The following ABCC4 variants were observed in gnomAD, a reference collection of about 807,000 sequenced individuals.
ABCC4 encodes the protein ATP binding cassette subfamily C member 4 (PEL blood group), also known as ATP-binding cassette sub-family C member 4.
Under a neutral mutation model 168.5 loss-of-function variants are expected in ABCC4, and 102 were observed. The observed-to-expected ratio is 0.61, with a 90% CI of 0.52 to 0.71. The LOEUF (loss-of-function observed/expected upper bound fraction) is 0.71. Ranked by LOEUF, ABCC4 falls within the 30% of genes least tolerant of loss-of-function variation. The pLI, the probability that ABCC4 is intolerant of heterozygous loss-of-function variation, is 0.00. For synonymous variants in ABCC4, 617 were observed against 590.7 expected, an observed-to-expected ratio of 1.04 and a Z score of -0.65; for missense variants, 1,402 against 1,605.8, an observed-to-expected ratio of 0.87 and a Z score of 2.17.
intron 20 of ABCC4, among the ~76,000 whole-genome samples, chr13:95,086,701 T>C (rs2034268673): frequency 6.6e-6 from 1 of 152,212 alleles, no homozygotes; most frequent in Non-Finnish European, 1.5e-5. Context: ...GCAGTAAAAA[T>C]GTATTCCTAT....
intron 26 of ABCC4, among the ~76,000 whole-genome samples, chr13:95,053,402 T>A (rs1321819961): frequency 3.9e-5 from 6 of 152,168 alleles, no homozygotes; most frequent in African/African-American, 9.7e-5. Flanking sequence ...CTAACAAAAC[T>A]GTTGCAATGT....
At chr13:95,179,064 A>T (rs1217730763) in intron 11 of ABCC4, among the ~76,000 whole-genome samples, 1 of 152,210 alleles carries the variant, frequency 6.6e-6, no homozygotes. Context: ...CCAAACTGAA[A>T]TGCTGACCGG....
intron 1 of ABCC4, among the ~76,000 whole-genome samples, chr13:95,251,530 C>T (rs1021015338): frequency 6.6e-6 from 1 of 152,076 alleles, no homozygotes; most frequent in African/African-American, 2.4e-5. Flanking sequence ...AAATTATAGT[C>T]TATCAAAGAA....
chr13:95,236,075 C>G (rs1160147244), intron 3 of ABCC4, among the ~76,000 whole-genome samples: 2 of 152,114 alleles, frequency 1.3e-5, no homozygotes, highest in Non-Finnish European at 2.9e-5. Context: ...AACAGCAGAA[C>G]GCAGCTTGAG....
At chr13:95,085,676 C>G (rs1233214679) in intron 20 of ABCC4, among the ~76,000 whole-genome samples, 1 of 152,116 alleles carries the variant, frequency 6.6e-6, no homozygotes, top group Admixed American at 6.5e-5. Context: ...ACCCACCAGC[C>G]CAGCATCTGG....
chr13:95,238,229 CAG>C (rs1049593557), intron 3 of ABCC4, among the ~76,000 whole-genome samples: 30 of 140,766 alleles, frequency 2.1e-4, no homozygotes, highest in Non-Finnish European at 3.2e-4. Context: ...AATGGGGGAA[CAG>C]GGGACAAAAC....
intron 4 of ABCC4, among the ~76,000 whole-genome samples, chr13:95,214,750 G>T (rs1309712237): frequency 2.0e-5 from 3 of 152,022 alleles, no homozygotes; most frequent in Admixed American, 1.3e-4. Context: ...GCCGGGCACA[G>T]TGGTGGGCAC....
chr13:95,093,567 C>T (rs1196415217), intron 20 of ABCC4, among the ~76,000 whole-genome samples: 1 of 152,106 alleles, frequency 6.6e-6, no homozygotes, highest in Non-Finnish European at 1.5e-5. Context: ...CCATCTATGA[C>T]AAACCCACAG....
chr13:95,221,731 T>C (rs9302049), intron 4 of ABCC4, among the ~76,000 whole-genome samples: 16,802 of 150,908 alleles, frequency 0.11, 1,357 homozygotes, highest in African/African-American at 0.22. Flanking sequence ...TATAACAGGA[T>C]GTCTTAGAAG....
Position 95,075,673 on chromosome 13 carries a change from G to T in ABCC4, c.2687-122C>A, listed in dbSNP as rs2033875260. The stretch of plus-strand genomic sequence containing the variant: ...ACGCAGGCCTCCTAGGAGGCTTCAT[G>T]TTTCAAGGAAAAATAAATGTTCCCA... On this transcript the variant is annotated intron_variant, in intron 21 of 30. Transcript: ENST00000645237. 6 of 1,302,682 alleles carry T rather than the reference G, an allele frequency of 4.6e-6. No individual in the cohort carries two copies. The East Asian group carries it at 1.2e-4, about 27-fold the overall frequency. The allele number at this position is 1,302,682 out of a possible 1,614,324, so 80.7% of individuals were successfully genotyped here. A position where few individuals can be genotyped will look rare whatever the true frequency, so the allele number is the denominator to read the frequency against.
At chr13:95,165,142 T>C (rs1038138) in intron 15 of ABCC4, among the ~76,000 whole-genome samples, 22,247 of 152,082 alleles carry the variant, frequency 0.15, 2,186 homozygotes, top group African/African-American at 0.27. Flanking sequence ...AATTCAAGTG[T>C]CAATACAGAA....
At chr13:95,209,351 G>GT in intron 6 of ABCC4, 83 bp downstream of exon 6, 1 of 1,469,050 alleles carries the variant, frequency 6.8e-7, no homozygotes, top group South Asian at 1.3e-5. Context: ...AAGGCATTTA[G>GT]TTTGTTTCTG....
chr13:95,060,045 C>G (rs2139281533), intron 26 of ABCC4, among the ~76,000 whole-genome samples: 1 of 152,242 alleles, frequency 6.6e-6, no homozygotes, highest in South Asian at 2.1e-4. Context: ...AGATTCTATC[C>G]CAGGCAGTCT....
intron 9 of ABCC4, among the ~76,000 whole-genome samples, chr13:95,189,124 CTTTTTTTTT>C (rs61449462): frequency 1.5e-5 from 1 of 67,268 alleles, no homozygotes; most frequent in Non-Finnish European, 2.6e-5. Flanking sequence ...AAACAATATT[CTTTTTTTTT>C]TTTTTTTTTT....
intron 11 of ABCC4, among the ~76,000 whole-genome samples, chr13:95,183,445 A>G (rs2037963246): frequency 6.6e-6 from 1 of 152,180 alleles, no homozygotes; most frequent in Admixed American, 6.5e-5. Context: ...GAGTCGGCAA[A>G]TGATCTCATA....
chr13:95,287,171 G>A (rs2138937573), intron 1 of ABCC4, among the ~76,000 whole-genome samples: 1 of 151,978 alleles, frequency 6.6e-6, no homozygotes, highest in East Asian at 1.9e-4. Flanking sequence ...GGTAGCACAT[G>A]CCTATAGTTT....
intron 4 of ABCC4, among the ~76,000 whole-genome samples, chr13:95,225,452 C>T (rs1015458290): frequency 5.9e-5 from 9 of 152,168 alleles, no homozygotes; most frequent in African/African-American, 1.7e-4. Flanking sequence ...GGTGGATCAC[C>T]TGAGGTCAGG....
intron 29 of ABCC4, among the ~76,000 whole-genome samples, chr13:95,036,624 A>G (rs532456035): frequency 3.9e-5 from 6 of 152,272 alleles, no homozygotes; most frequent in African/African-American, 1.4e-4. Flanking sequence ...AATATCAACA[A>G]CTTAGCAACT....
chr13:95,115,883 G>C, intron 20 of ABCC4, 39 bp downstream of exon 20: 1 of 1,562,206 alleles, frequency 6.4e-7, no homozygotes, highest in South Asian at 1.1e-5. Context: ...AGGAACTTCC[G>C]TTTTCCATTT....
Sources: gnomAD v4.1 joint callset for allele counts (sites outside exome capture counted in the v4.1 genomes callset) on GRCh38, gnomAD v4.1.1 for gene constraint, MANE v1.5 for transcripts, NCBI Gene and HGNC (gene_info 2026-07-23, HGNC 2026-07-21) for gene names.